Variants in STRAP observed in about 807,000 individuals in gnomAD.
STRAP encodes serine/threonine kinase receptor associated protein, also known as serine-threonine kinase receptor-associated protein.
Under a neutral mutation model 47.0 loss-of-function variants are expected in STRAP, and 16 were observed. That is an observed-to-expected ratio of 0.34 (90% confidence interval 0.23 to 0.52). The LOEUF (loss-of-function observed/expected upper bound fraction) is 0.52. STRAP is among the 20% of genes least tolerant of loss of function. STRAP has a pLI of 0.96. For synonymous variants in STRAP, 130 were observed against 142.7 expected (o/e 0.91, Z 0.63); for missense variants, 293 against 420.0 (o/e 0.70, Z 2.64).
Position 15,899,871 on chromosome 12 carries a change from T to G in STRAP, c.776-33T>G, listed in dbSNP as rs1391714305. On this transcript the variant is annotated intron_variant, in intron 7 of 9. Transcript: ENST00000419869. Reference sequence around the variant, plus strand: ...AGCATATCAATATTTAACCTAATAGTTAAAATTATCTAATAGCCCTCTTCT... The same window carrying G: ...AGCATATCAATATTTAACCTAATAGGTAAAATTATCTAATAGCCCTCTTCT... The G allele has an allele frequency of 1.1e-5, 18 of 1,596,696 alleles. No individual in the cohort carries two copies. In the East Asian group the frequency reaches 2.7e-4, roughly 24 times the overall value.
intron 2 of STRAP, among the ~76,000 whole-genome samples, chr12:15,889,684 T>C (rs999148895): frequency 2.0e-5 from 3 of 152,146 alleles, no homozygotes; most frequent in Admixed American, 6.5e-5. Context: ...TCTTTTCCAC[T>C]GTCAAAGAAA....
intron 4 of STRAP, among the ~76,000 whole-genome samples, chr12:15,892,982 C>G (rs970217523): frequency 3.3e-5 from 5 of 152,020 alleles, no homozygotes; most frequent in Non-Finnish European, 7.4e-5. Flanking sequence ...TCTGTTAAGC[C>G]CTATTCGCAT....
intron 4 of STRAP, among the ~76,000 whole-genome samples, chr12:15,893,078 A>G (rs1248315780): frequency 6.6e-6 from 1 of 152,230 alleles, no homozygotes; most frequent in East Asian, 1.9e-4. Flanking sequence ...ATAGTGTTGA[A>G]TGGCATTGCC....
chr12:15,885,385 C>T (rs993109544), intron 2 of STRAP, among the ~76,000 whole-genome samples: 7 of 151,288 alleles, frequency 4.6e-5, no homozygotes, highest in African/African-American at 7.3e-5. Flanking sequence ...GACGGGGTTT[C>T]GCCATGTTGG....
At chr12:15,886,062 AT>A (rs112582152) in intron 2 of STRAP, among the ~76,000 whole-genome samples, 288 of 151,490 alleles carry the variant, frequency 1.9e-3, no homozygotes, top group South Asian at 4.2e-3. Context: ...GATTTTTGTG[AT>A]TTTTTTTTCC....
rs1948003644 is a variant in STRAP, at chr12:15,890,240, T to TA, written c.330+237dup. Among the ~76,000 whole-genome samples, 1 of 152,150 alleles carries TA rather than the reference T, an allele frequency of 6.6e-6. No individual in the cohort carries two copies. Among genetic ancestry groups the TA allele is most frequent in the Non-Finnish European group, 1.5e-5 (1 of 68,018 alleles). ...GAACGAGTACCAGTCCTTCAACATG[T>TA]AAAAAACATCTGAAAAGCTCAAGTA... is the stretch of plus-strand genomic sequence containing the variant. On this transcript the variant is annotated intron_variant, in intron 3 of 9. Transcript: ENST00000419869. The surrounding 1 kb of genome is among the most constrained non-coding windows in gnomAD (Gnocchi z 4.5).
intron 4 of STRAP, among the ~76,000 whole-genome samples, chr12:15,892,324 G>T (rs950422200): frequency 1.3e-5 from 2 of 152,058 alleles, no homozygotes; most frequent in Middle Eastern, 3.4e-3. Context: ...TAACATTTTG[G>T]TGGTGAAATT....
chr12:15,889,486 G>T (rs74063288), intron 2 of STRAP, among the ~76,000 whole-genome samples: 3,331 of 152,066 alleles, frequency 0.022, 121 homozygotes, highest in African/African-American at 0.076. Flanking sequence ...AGGATTTCTG[G>T]TTTTTTTATT....
chr12:15,882,663 G>A lies in STRAP; in HGVS notation c.-45G>A, dbSNP rs1947931622. On this transcript the variant is annotated 5_prime_UTR_variant, in exon 1 of 10. Transcript: ENST00000419869. ...TGCAGCAGAAGAGAGAAAAGACAAC[G>A]ACGACCCTCAGCTCGCCAGTCCGGT... The A allele has an allele frequency of 2.6e-6, 4 of 1,531,240 alleles. No homozygotes were observed. The highest frequency in any genetic ancestry group is 3.6e-6 in the Non-Finnish European group (4 of 1,124,626). The allele number at this position is 1,531,240 out of a possible 1,614,324, so 94.9% of individuals were successfully genotyped here.
chr12:15,893,383 A>T (rs576164758), intron 4 of STRAP, among the ~76,000 whole-genome samples: 4 of 149,056 alleles, frequency 2.7e-5, no homozygotes, highest in Non-Finnish European at 5.9e-5. Flanking sequence ...AAATTATGCC[A>T]CGTTAATTAT....
chr12:15,885,303 C>T (rs867529340), intron 2 of STRAP, among the ~76,000 whole-genome samples: 2 of 151,308 alleles, frequency 1.3e-5, no homozygotes, highest in African/African-American at 2.4e-5. Flanking sequence ...ATTCTCCCAC[C>T]TCAGCTTCCT....
intron 4 of STRAP, among the ~76,000 whole-genome samples, chr12:15,891,605 A>T (rs964027348): frequency 6.6e-6 from 1 of 152,224 alleles, no homozygotes; most frequent in Non-Finnish European, 1.5e-5. Context: ...TTTCCTTAAG[A>T]TAACTAAGCA....
chr12:15,885,269 A>G (rs111347377), intron 2 of STRAP, among the ~76,000 whole-genome samples: 3,191 of 147,972 alleles, frequency 0.022, 115 homozygotes, highest in African/African-American at 0.077. Context: ...GCTCACTGCA[A>G]CCTCCACCTC....
rs1036408947 is a variant in STRAP at position 15,901,005 on chromosome 12, G to A, written c.984G>A (p.Glu328=). 21 of 1,592,670 alleles carry A rather than the reference G, an allele frequency of 1.3e-5. No homozygotes were observed. The highest frequency in any genetic ancestry group is 1.8e-5 in the Non-Finnish European group (21 of 1,169,294). ...TTGGTTTTCCAGAGACAACAGAAGA[G>A]GAGCTAGGTAAATGCTATGGAATTG... ...PKIGFPETTE[E]ELEEIASENS... is the part of the protein sequence containing the mutation. The change falls in exon 9 of 10, where the codon GAG becomes GAA. Residue 328 remains glutamate (E), a synonymous_variant. Coordinates refer to ENST00000419869, the MANE Select transcript of STRAP (RefSeq NM_007178.4).
chr12:15,896,377 G>A lies in STRAP; in HGVS notation c.638+881G>A, dbSNP rs761798943. 1.3e-5 allele frequency among the ~76,000 whole-genome samples: 2 copies of A among 151,954 alleles called. No homozygotes were observed. The highest frequency in any genetic ancestry group is 2.1e-4 in the South Asian group (1 of 4,822). On this transcript the variant is annotated intron_variant, in intron 6 of 9. Coordinates refer to ENST00000419869, the MANE Select transcript of STRAP (RefSeq NM_007178.4). The surrounding 1 kb of genome is among the most constrained non-coding windows in gnomAD (Gnocchi z 4.1). Reference sequence around the variant, plus strand: ...TTTTTTAAACAGATTTGAATTTTGCGACTTTAAATGTAGTAAATACTCTTG... The same window carrying A: ...TTTTTTAAACAGATTTGAATTTTGCAACTTTAAATGTAGTAAATACTCTTG...
In STRAP at chr12:15,894,328, A is replaced by T. The variant is rs1282120557; in HGVS notation, c.500+185A>T. Among the ~76,000 whole-genome samples, 1 of 152,184 alleles carries T rather than the reference A, an allele frequency of 6.6e-6. No individual in the cohort carries two copies. The highest frequency in any genetic ancestry group is 1.5e-5 in the Non-Finnish European group (1 of 68,024). On this transcript the variant is annotated intron_variant, in intron 5 of 9. Coordinates refer to ENST00000419869, the MANE Select transcript of STRAP (RefSeq NM_007178.4). This position sits in a 1 kb window ranked among gnomAD's most constrained non-coding sequence, Gnocchi z 4.9. ...ACAAAACTTAGCCAAGCGCGGTGGCACACACCTATAATCCCAGCTACTCGG... is the reference window on the plus strand; with the variant it reads ...ACAAAACTTAGCCAAGCGCGGTGGCTCACACCTATAATCCCAGCTACTCGG...
At chr12:15,883,196 C>G (rs893389392) in intron 1 of STRAP, 1 of 1,428,678 alleles carries the variant, frequency 7.0e-7, no homozygotes, top group Non-Finnish European at 9.5e-7. Flanking sequence ...GACGTTCGCT[C>G]TTGTCTCACT....
Position 15,896,601 on chromosome 12 carries a change from T to C in STRAP, c.638+1105T>C, listed in dbSNP as rs1242902693. On this transcript the variant is annotated intron_variant, in intron 6 of 9. Transcript: ENST00000419869. The surrounding 1 kb of genome is among the most constrained non-coding windows in gnomAD (Gnocchi z 4.1). The stretch of plus-strand genomic sequence containing the variant: ...ACCATTTTGATTTGTTTAAAAATAT[T>C]GTTAGCCATTTAAAACTTCTTTGAA... 6.6e-6 allele frequency among the ~76,000 whole-genome samples: 1 copy of C among 152,136 alleles called. No homozygotes were observed. Among genetic ancestry groups the C allele is most frequent in the Non-Finnish European group, 1.5e-5 (1 of 68,016 alleles).
intron 4 of STRAP, among the ~76,000 whole-genome samples, chr12:15,891,992 G>GTT (rs1948019749): frequency 6.6e-6 from 1 of 152,092 alleles, no homozygotes; most frequent in African/African-American, 2.4e-5. Flanking sequence ...TACTACCAAA[G>GTT]TGTCTTCCAA....
Sources: gnomAD v4.1 joint callset for allele counts (sites outside exome capture counted in the v4.1 genomes callset) on GRCh38, gnomAD v4.1.1 for gene constraint, Gnocchi (gnomAD v3.1) non-coding constraint, MANE v1.5 for transcripts, NCBI Gene and HGNC (gene_info 2026-07-23, HGNC 2026-07-21) for gene names.